The following HSF5 variants were observed in gnomAD, a reference collection of about 807,000 sequenced individuals.
The protein encoded by HSF5 is heat shock factor protein 5.
In HSF5, 5 loss-of-function variants were observed where a neutral mutation model predicts 50.8. That is an observed-to-expected ratio of 0.10 (90% confidence interval 0.05 to 0.21). HSF5 has a LOEUF of 0.21. Among genes scored for constraint, HSF5 ranks in the 10% least tolerant of loss-of-function variants. The pLI, the probability that HSF5 is intolerant of heterozygous loss-of-function variation, is 1.00. For missense variants in HSF5, 564 were observed against 762.6 expected (o/e 0.74, Z 3.07); for synonymous variants, 307 against 307.4 (o/e 1.00, Z 0.02).
At chr17:58,448,133 C>CAAAA (rs33943640) in intron 5 of HSF5, among the ~76,000 whole-genome samples, 9 of 82,038 alleles carry the variant, frequency 1.1e-4, no homozygotes, top group East Asian at 3.7e-4. Context: ...GAACCTGTCT[C>CAAAA]AAAAAAAAAA....
At chr17:58,470,487 A>G (rs1974928531) in intron 2 of HSF5, among the ~76,000 whole-genome samples, 1 of 152,222 alleles carries the variant, frequency 6.6e-6, no homozygotes, top group Admixed American at 6.5e-5. Context: ...AAAATAAATT[A>G]GAGATTACCA....
intron 5 of HSF5, among the ~76,000 whole-genome samples, chr17:58,429,182 C>A (rs1974333383): frequency 6.6e-6 from 1 of 152,118 alleles, no homozygotes; most frequent in South Asian, 2.1e-4. Context: ...TTATATAAAA[C>A]ATTCAGAATA....
chr17:58,485,398 A>G (rs989625596), intron 1 of HSF5, among the ~76,000 whole-genome samples: 4 of 152,118 alleles, frequency 2.6e-5, no homozygotes, highest in Non-Finnish European at 4.4e-5. Context: ...TAAACAGAGA[A>G]ATGGAATATT....
Position 58,445,927 on chromosome 17 carries a change from G to A in HSF5, c.1720+12841C>T, listed in dbSNP as rs112190170. On this transcript the variant is annotated intron_variant, in intron 5 of 5. Transcript: ENST00000323777. ...AAGGTGGGCAGATCACCCGAGGTCA[G>A]GAGTTCGATACCAGCCTGCCCAACA... Among the ~76,000 whole-genome samples, 1,336 of 152,204 alleles carry A rather than the reference G, an allele frequency of 8.8e-3. 22 individuals carry two copies. Among genetic ancestry groups the A allele is most frequent in the African/African-American group, 0.03 (1,238 of 41,514 alleles).
intron 5 of HSF5, among the ~76,000 whole-genome samples, chr17:58,433,190 A>G (rs1399247382): frequency 6.6e-6 from 1 of 152,182 alleles, no homozygotes; most frequent in Non-Finnish European, 1.5e-5. Context: ...TTGTAGAGAC[A>G]TGGTTTCACC....
At chr17:58,486,902 C>CT (rs11351236) in intron 1 of HSF5, among the ~76,000 whole-genome samples, 1,304 of 79,224 alleles carry the variant, frequency 0.016, 24 homozygotes, top group African/African-American at 0.032. Flanking sequence ...TAAGTTCTCT[C>CT]TTTTTTTTTT....
At position 58,463,048 on chromosome 17, in the gene HSF5, C is replaced by G. The variant is rs747231728; in HGVS notation, c.1276G>C (p.Ala426Pro). 17 of 1,614,056 alleles carry G rather than the reference C, an allele frequency of 1.1e-5. No homozygotes were observed. The highest frequency in any genetic ancestry group is 6.7e-5 in the East Asian group (3 of 44,900). Reference sequence around the variant, plus strand: ...GGAGTAAGTGGCTCCAGCTGGCTAGCCTGACTTGCAGAACATGGATTGCTG... The same window carrying G: ...GGAGTAAGTGGCTCCAGCTGGCTAGGCTGACTTGCAGAACATGGATTGCTG... ...NNSNPCSASQ[A>P]SQLEPLTPVG... Residue 426 changes from alanine (A) to proline (P), a missense_variant, in exon 4 of 6, where the codon GCT (alanine) becomes CCT (proline). Physicochemically the swap from Ala to Pro is conservative, Grantham distance 27. Around this residue, in one of 5 missense-constraint regions of HSF5, gnomAD observed 441 missense variants for 533.6 expected, o/e 0.83. Transcript: ENST00000323777.
rs187173187 is a variant in HSF5, at chr17:58,462,785, G to T, written c.1539C>A (p.His513Gln). 121 of 1,598,572 alleles carry T rather than the reference G, an allele frequency of 7.6e-5. No homozygotes were observed. The Middle Eastern group carries it at 2.7e-3, about 35-fold the overall frequency. Residue 513 changes from histidine to glutamine, a missense_variant, in exon 4 of 6, where the codon CAC becomes CAA. Physicochemically the swap from His to Gln is conservative, Grantham distance 24. Coordinates refer to ENST00000323777, the MANE Select transcript of HSF5 (RefSeq NM_001080439.3). ...FVQEGPPFSTHQVDANIKCQT... is the reference protein window; with the variant it reads ...FVQEGPPFSTQQVDANIKCQT... ...ATTTTTTTCTTTGCCCCCTTACCTG[G>T]TGTGTGCTGAATGGTGGCCCTTCCT...
At chr17:58,433,911 A>ATTTGTTTTT (rs1974393663) in intron 5 of HSF5, among the ~76,000 whole-genome samples, 1 of 109,362 alleles carries the variant, frequency 9.1e-6, no homozygotes, top group Non-Finnish European at 1.8e-5. Context: ...GGTCAAAGGG[A>ATTTGTTTTT]TTTTTTTTTT....
chr17:58,436,001 A>G (rs1364997907), intron 5 of HSF5, among the ~76,000 whole-genome samples: 1 of 152,108 alleles, frequency 6.6e-6, no homozygotes, highest in Non-Finnish European at 1.5e-5. Flanking sequence ...ATACTAAGCC[A>G]GTTCTATGAT....
Position 58,488,245 on chromosome 17 carries a change from G to A in HSF5, c.30C>T (p.Asn10=). 1 of 1,508,794 alleles carries A rather than the reference G, an allele frequency of 6.6e-7. No individual in the cohort carries two copies. Among genetic ancestry groups the A allele is most frequent in the Non-Finnish European group, 8.8e-7 (1 of 1,142,598 alleles). 93.5% of individuals were successfully genotyped at this position (1,508,794 alleles called of 1,614,324 possible). A position where few individuals can be genotyped will look rare whatever the true frequency, so the allele number is the denominator to read the frequency against. The change falls in exon 1 of 6, where the codon AAC becomes AAT. Residue 10 remains asparagine, a synonymous_variant. Coordinates refer to ENST00000323777, the MANE Select transcript of HSF5 (RefSeq NM_001080439.3). This position sits in a 1 kb window ranked among gnomAD's most constrained non-coding sequence, Gnocchi z 4.1. MEALLSTPI[N]PNNFPAKLWR... The stretch of plus-strand genomic sequence containing the variant: ...ACAGCTTGGCGGGGAAGTTGTTGGG[G>A]TTGATGGGGGTGGAGAGCAGCGCCT...
intron 1 of HSF5, among the ~76,000 whole-genome samples, chr17:58,484,049 C>G (rs1460321718): frequency 1.3e-5 from 2 of 152,148 alleles, no homozygotes; most frequent in African/African-American, 2.4e-5. Context: ...TCTTGAATAA[C>G]TTTGCTAAAT....
intron 5 of HSF5, 22 bp downstream of exon 5, chr17:58,458,746 T>C (rs367583810): frequency 1.0e-5 from 16 of 1,579,570 alleles, no homozygotes; most frequent in Non-Finnish European, 1.4e-5. Context: ...CTTCTGGCAT[T>C]CTAGAGCACA....
chr17:58,474,898 T>C (rs911817889), intron 2 of HSF5, among the ~76,000 whole-genome samples: 5 of 152,304 alleles, frequency 3.3e-5, no homozygotes, highest in Admixed American at 6.5e-5. Flanking sequence ...TTTCAAAGAT[T>C]GTGCATATAT....
At chr17:58,438,084 A>G (rs974108815) in intron 5 of HSF5, among the ~76,000 whole-genome samples, 3 of 152,182 alleles carry the variant, frequency 2.0e-5, no homozygotes, top group Admixed American at 6.5e-5. Flanking sequence ...ATCAACAGTT[A>G]AAGTTTTGCC....
At chr17:58,448,844 T>C (rs1974597199) in intron 5 of HSF5, among the ~76,000 whole-genome samples, 1 of 152,212 alleles carries the variant, frequency 6.6e-6, no homozygotes, top group Admixed American at 6.5e-5. Flanking sequence ...CTGATATCTT[T>C]AGTGTAAAGC....
At chr17:58,476,834 T>C in intron 2 of HSF5, 1 of 1,535,914 alleles carries the variant, frequency 6.5e-7, no homozygotes. Flanking sequence ...TATTTCATTT[T>C]GGATTTCATC....
intron 4 of HSF5, among the ~76,000 whole-genome samples, chr17:58,462,327 T>C (rs1178403565): frequency 6.6e-6 from 1 of 152,182 alleles, no homozygotes; most frequent in South Asian, 2.1e-4. Context: ...AATGATGCTG[T>C]AATAAAGTTA....
Position 58,422,177 on chromosome 17 carries a change from G to A in HSF5, c.*183C>T. On this transcript the variant is annotated 3_prime_UTR_variant, in exon 6 of 6. Coordinates refer to ENST00000323777, the MANE Select transcript of HSF5 (RefSeq NM_001080439.3). ...AGTAGTTTGTCAAGGCAGATAATCT[G>A]AACTGAACCACTGTAGTACATACAA... is the stretch of plus-strand genomic sequence containing the variant. 1.8e-6 allele frequency: 1 copy of A among 549,292 alleles called. No homozygotes were observed. The highest frequency in any genetic ancestry group is 3.2e-6 in the Non-Finnish European group (1 of 309,366). The allele number at this position is 549,292 out of a possible 1,614,324, so 34.0% of individuals were successfully genotyped here.
Sources: allele counts gnomAD v4.1 joint callset (sites outside exome capture counted in the v4.1 genomes callset), GRCh38; gene constraint gnomAD v4.1.1; regional missense constraint gnomAD v4.1.1; non-coding constraint Gnocchi (gnomAD v3.1); transcripts MANE v1.5; gene names NCBI Gene and HGNC (gene_info 2026-07-23, HGNC 2026-07-21).